Variants in PTPRN2 observed in about 807,000 individuals in gnomAD.
PTPRN2 encodes receptor-type tyrosine-protein phosphatase N2.
PTPRN2 carries 74 observed loss-of-function variants against 118.8 expected under a neutral mutation model. The ratio of observed to expected loss-of-function variants is 0.62; its 90% CI spans 0.52 to 0.76. The LOEUF is 0.76. Ranked by LOEUF, PTPRN2 falls within the 30% of genes least tolerant of loss-of-function variation. PTPRN2 has a pLI of 0.00. For missense variants in PTPRN2, 1,481 were observed against 1,394.4 expected (o/e 1.06, Z -0.99); for synonymous variants, 641 against 608.0 (o/e 1.05, Z -0.80).
In PTPRN2 at chr7:158,216,365, CAT is replaced by C. The variant is rs553868484; in HGVS notation, c.278-11094_278-11093del. On this transcript the variant is annotated intron_variant, in intron 3 of 22. Coordinates refer to ENST00000389418, the MANE Select transcript of PTPRN2 (RefSeq NM_002847.5). ...AAATTAAATGAGTTTTAAATCCTAA[CAT>C]GTTAATAATTACATTAAATGTAAAT... is the stretch of plus-strand genomic sequence containing the variant. Among the ~76,000 whole-genome samples, 65 of 151,632 alleles carry C rather than the reference CAT, an allele frequency of 4.3e-4. 1 individual carries two copies. In the South Asian group the frequency reaches 0.012, roughly 29 times the overall value.
At chr7:158,372,137 G>C (rs7809617) in intron 2 of PTPRN2, among the ~76,000 whole-genome samples, 119,785 of 151,798 alleles carry the variant, frequency 0.79, 47,918 homozygotes, top group East Asian at 0.99. Context: ...GCAGCTCTAA[G>C]AGGTCCCCGT....
intron 12 of PTPRN2, among the ~76,000 whole-genome samples, chr7:157,697,305 G>A (rs1243942485): frequency 1.8e-4 from 23 of 127,042 alleles, no homozygotes; most frequent in East Asian, 7.5e-4. Flanking sequence ...ACTGGGTCTT[G>A]GCAGAGCCCT....
At chr7:158,259,067 T>C (rs1478144747) in intron 3 of PTPRN2, among the ~76,000 whole-genome samples, 1 of 152,182 alleles carries the variant, frequency 6.6e-6, no homozygotes, top group African/African-American at 2.4e-5. Flanking sequence ...CCCTTGTGCA[T>C]GTCCCCGTGA....
rs2150661324 is a variant in PTPRN2, at chr7:157,627,943, T to TA, written c.2197-6435dup. Among the ~76,000 whole-genome samples the TA allele has an allele frequency of 6.6e-6, 1 of 152,348 alleles. No homozygotes were observed. The highest frequency in any genetic ancestry group is 1.9e-4 in the East Asian group (1 of 5,192). On this transcript the variant is annotated intron_variant, in intron 14 of 22. Coordinates refer to ENST00000389418, the MANE Select transcript of PTPRN2 (RefSeq NM_002847.5). This position sits in a 1 kb window ranked among gnomAD's most constrained non-coding sequence, Gnocchi z 4.2. ...TCAGCGCTCACATAATCTACTTTGTTAGAGATATGAACTCAATCTAAGGTT... is the reference window on the plus strand; with the variant it reads ...TCAGCGCTCACATAATCTACTTTGTTAAGAGATATGAACTCAATCTAAGGTT...
intron 12 of PTPRN2, among the ~76,000 whole-genome samples, chr7:157,886,820 G>A (rs1340157080): frequency 6.6e-6 from 1 of 152,226 alleles, no homozygotes; most frequent in Non-Finnish European, 1.5e-5. Flanking sequence ...AACCCACAGC[G>A]GGTCTATCCT....
intron 2 of PTPRN2, among the ~76,000 whole-genome samples, chr7:158,452,954 G>A (rs1818190948): frequency 6.6e-6 from 1 of 152,240 alleles, no homozygotes; most frequent in Admixed American, 6.5e-5. Context: ...TGGTACAGCT[G>A]CAACACAGGG....
intron 11 of PTPRN2, among the ~76,000 whole-genome samples, chr7:157,989,464 G>T (rs961445905): frequency 6.6e-6 from 1 of 152,086 alleles, no homozygotes; most frequent in East Asian, 1.9e-4. Flanking sequence ...GAAAGACAGC[G>T]GTTTTCATAA....
At chr7:158,144,483 C>G (rs1033014767) in intron 6 of PTPRN2, among the ~76,000 whole-genome samples, 4 of 152,140 alleles carry the variant, frequency 2.6e-5, no homozygotes, top group Non-Finnish European at 5.9e-5. Context: ...ACTAAAAATA[C>G]CAAAAATTAG....
At chr7:158,134,085 G>T (rs1262926584) in intron 8 of PTPRN2, 26 bp from the exon 9 acceptor site, 1 of 1,598,190 alleles carries the variant, frequency 6.3e-7, no homozygotes, top group Non-Finnish European at 8.5e-7. Context: ...TTCCGTGAGG[G>T]ACGTCTGCGA....
chr7:158,322,535 G>GCAA (rs1305331020), intron 2 of PTPRN2, among the ~76,000 whole-genome samples: 8 of 152,064 alleles, frequency 5.3e-5, no homozygotes, highest in East Asian at 1.9e-4. Flanking sequence ...GCCCCAGTGG[G>GCAA]CGGCCAGGAG....
chr7:158,060,011 A>C (rs1810189941), intron 11 of PTPRN2, among the ~76,000 whole-genome samples: 1 of 105,300 alleles, frequency 9.5e-6, no homozygotes, highest in South Asian at 3.9e-4. Flanking sequence ...GCCACACTCC[A>C]TCTGCACACG....
chr7:158,150,130 T>A (rs1263709521), intron 6 of PTPRN2, among the ~76,000 whole-genome samples: 1 of 152,160 alleles, frequency 6.6e-6, no homozygotes, highest in Non-Finnish European at 1.5e-5. Context: ...CTCTGAAGCT[T>A]GGCCGGCAAC....
intron 2 of PTPRN2, among the ~76,000 whole-genome samples, chr7:158,340,115 TA>T (rs1806378894): frequency 1.4e-5 from 1 of 72,348 alleles, no homozygotes; most frequent in African/African-American, 5.0e-5. Flanking sequence ...ACTCGCACCA[TA>T]AGAGGTGACA....
Position 158,224,813 on chromosome 7 carries a change from G to A in PTPRN2, c.278-19540C>T, listed in dbSNP as rs74890332. Among the ~76,000 whole-genome samples, 726 of 152,192 alleles carry A rather than the reference G, an allele frequency of 4.8e-3. 8 individuals are homozygous for A. Among genetic ancestry groups the A allele is most frequent in the African/African-American group, 0.017 (693 of 41,538 alleles). Reference sequence around the variant, plus strand: ...ATGAGCGCAGAGTTGGAGAAATATTGGCAAACCACGTATCTGACAAAGGAC... The same window carrying A: ...ATGAGCGCAGAGTTGGAGAAATATTAGCAAACCACGTATCTGACAAAGGAC... On this transcript the variant is annotated intron_variant, in intron 3 of 22. Transcript: ENST00000389418.
At position 157,780,470 on chromosome 7, in the gene PTPRN2, G is replaced by A. The variant is rs573588471; in HGVS notation, c.1789-97533C>T. On this transcript the variant is annotated intron_variant, in intron 12 of 22. Transcript: ENST00000389418. This position sits in a 1 kb window ranked among gnomAD's most constrained non-coding sequence, Gnocchi z 4.5. ...GCTGCTGGATCAGATGGCGGAACACGGCCCAGAGCAACTGAAGTTCGCTTG... is the reference window on the plus strand; with the variant it reads ...GCTGCTGGATCAGATGGCGGAACACAGCCCAGAGCAACTGAAGTTCGCTTG... Among the ~76,000 whole-genome samples, 3 of 152,320 alleles carry A rather than the reference G, an allele frequency of 2.0e-5. No homozygotes were observed. Among genetic ancestry groups the A allele is most frequent in the African/African-American group, 7.2e-5 (3 of 41,578 alleles).
At chr7:157,711,499 G>A (rs113846914) in intron 12 of PTPRN2, among the ~76,000 whole-genome samples, 4 of 151,860 alleles carry the variant, frequency 2.6e-5, no homozygotes, top group African/African-American at 4.9e-5. Context: ...CCTGCAGCCC[G>A]GGGGAGTCCT....
At chr7:158,580,971 T>C (rs1828596445) in intron 1 of PTPRN2, among the ~76,000 whole-genome samples, 1 of 152,096 alleles carries the variant, frequency 6.6e-6, no homozygotes, top group South Asian at 2.1e-4. Context: ...AAAACCCAAC[T>C]CAGAAAATCA....
intron 3 of PTPRN2, among the ~76,000 whole-genome samples, chr7:158,270,905 A>G (rs1248741432): frequency 0.072 from 273 of 3,792 alleles, 29 homozygotes; most frequent in African/African-American, 0.24. Context: ...CACCTGGACC[A>G]CCCCCCCCAC....
At chr7:158,158,382 G>A (rs1038264274) in intron 6 of PTPRN2, among the ~76,000 whole-genome samples, 1 of 152,250 alleles carries the variant, frequency 6.6e-6, no homozygotes, top group Non-Finnish European at 1.5e-5. Context: ...ACACGACAAG[G>A]AAGTGGGCAC....
Sources: allele counts gnomAD v4.1 joint callset (sites outside exome capture counted in the v4.1 genomes callset), GRCh38; gene constraint gnomAD v4.1.1; non-coding constraint Gnocchi (gnomAD v3.1); transcripts MANE v1.5; gene names NCBI Gene and HGNC (gene_info 2026-07-23, HGNC 2026-07-21).